The following SLC22A23 variants were observed in gnomAD, a reference collection of about 807,000 sequenced individuals.
SLC22A23 encodes ion transporter protein.
A neutral mutation model predicts 61.0 loss-of-function variants in SLC22A23; 26 were observed. That is an observed-to-expected ratio of 0.43 (90% CI 0.31 to 0.59). The LOEUF is 0.59. SLC22A23 is among the 20% of genes least tolerant of loss of function. SLC22A23 has a pLI of 0.11. For missense variants in SLC22A23, 796 were observed against 934.7 expected, an observed-to-expected ratio of 0.85 and a Z score of 1.94; for synonymous variants, 430 against 413.9, an observed-to-expected ratio of 1.04 and a Z score of -0.47.
chr6:3,366,491 G>A (rs938009736), intron 3 of SLC22A23, among the ~76,000 whole-genome samples: 5 of 152,018 alleles, frequency 3.3e-5, no homozygotes, highest in Non-Finnish European at 7.4e-5. Flanking sequence ...CTGTGTTGTG[G>A]GGAGATGGGT....
At chr6:3,298,264 C>A (rs368370815) in intron 4 of SLC22A23, 46 bp from the exon 5 acceptor site, 3 of 1,562,378 alleles carry the variant, frequency 1.9e-6, no homozygotes, top group African/African-American at 2.8e-5. Flanking sequence ...CGATTCTGCA[C>A]GGCACCGGGA....
intron 3 of SLC22A23, among the ~76,000 whole-genome samples, chr6:3,355,876 C>G (rs2127440011): frequency 6.7e-6 from 1 of 150,010 alleles, no homozygotes; most frequent in East Asian, 2.0e-4. Flanking sequence ...GGATATAACG[C>G]TGAGGTATTA....
intron 5 of SLC22A23, among the ~76,000 whole-genome samples, chr6:3,296,191 T>C (rs886435601): frequency 7.9e-5 from 12 of 152,208 alleles, no homozygotes; most frequent in Non-Finnish European, 1.8e-4. Context: ...GGGAAAGCCA[T>C]CTGGACCGTC....
At chr6:3,281,353 G>A (rs947353335) in intron 9 of SLC22A23, among the ~76,000 whole-genome samples, 1 of 152,258 alleles carries the variant, frequency 6.6e-6, no homozygotes, top group African/African-American at 2.4e-5. Context: ...AGAATCTCAT[G>A]AAACAATATT....
intron 3 of SLC22A23, among the ~76,000 whole-genome samples, chr6:3,404,567 C>G (rs1768661242): frequency 6.6e-6 from 1 of 152,148 alleles, no homozygotes; most frequent in Non-Finnish European, 1.5e-5. Context: ...AAAAATCAGT[C>G]TTCAGTGGCA....
intron 1 of SLC22A23, among the ~76,000 whole-genome samples, chr6:3,437,683 C>T (rs192331699): frequency 0.022 from 3,367 of 150,924 alleles, 128 homozygotes; most frequent in African/African-American, 0.076. Context: ...AGCGAGACTC[C>T]GTCTCAAAAA....
Position 3,270,842 on chromosome 6 carries a change from A to C in SLC22A23, c.*2213T>G, listed in dbSNP as rs1758430516. ...CTCTACAGCTTCAATTTCCAAAAAA[A>C]AAAAAAAGTTTACACGACCAGTGAG... On this transcript the variant is annotated 3_prime_UTR_variant, in exon 10 of 10. Transcript: ENST00000406686. 6.6e-6 allele frequency: 1 copy of C among 152,374 alleles called. No homozygotes were observed. Among genetic ancestry groups the C allele is most frequent in the East Asian group, 1.9e-4 (1 of 5,334 alleles). The allele number at this position is 152,374 out of a possible 1,614,324, so 9.4% of individuals were successfully genotyped here.
chr6:3,431,289 G>A (rs535736792), intron 1 of SLC22A23, among the ~76,000 whole-genome samples: 1 of 152,362 alleles, frequency 6.6e-6, no homozygotes, highest in African/African-American at 2.4e-5. Flanking sequence ...CAATGAAAAT[G>A]TTAACTCAAT....
At chr6:3,397,168 G>T (rs1004160586) in intron 3 of SLC22A23, among the ~76,000 whole-genome samples, 1 of 152,222 alleles carries the variant, frequency 6.6e-6, no homozygotes, top group Non-Finnish European at 1.5e-5. Context: ...CTGCAAGGGG[G>T]ACAAGGGAAC....
chr6:3,291,677 TTTTATA>T (rs1760607959), intron 5 of SLC22A23: 1 of 152,204 alleles, frequency 6.6e-6, no homozygotes, highest in African/African-American at 2.4e-5. Flanking sequence ...AAATAACTAA[TTTTATA>T]AAGAGCTTGA....
intron 3 of SLC22A23, among the ~76,000 whole-genome samples, chr6:3,337,813 G>T (rs1315292709): frequency 6.6e-6 from 1 of 152,270 alleles, no homozygotes; most frequent in Admixed American, 6.5e-5. Context: ...AGGAAGTTGT[G>T]AAGGGGCTCA....
In SLC22A23 at chr6:3,390,957, A is replaced by G. The variant is rs1767623369; in HGVS notation, c.913+19231T>C. The stretch of plus-strand genomic sequence containing the variant: ...TCCGTGAATTTGGTCAACTGCCTGA[A>G]TGGAATGAAGAGAATCATACCCTGA... On this transcript the variant is annotated intron_variant, in intron 3 of 9. Transcript: ENST00000406686. The surrounding 1 kb of genome is among the most constrained non-coding windows in gnomAD (Gnocchi z 4.0). Among the ~76,000 whole-genome samples the G allele has an allele frequency of 6.6e-6, 1 of 151,996 alleles. No individual in the cohort carries two copies. Among genetic ancestry groups the G allele is most frequent in the African/African-American group, 2.4e-5 (1 of 41,238 alleles).
chr6:3,345,405 C>T (rs111691089), intron 3 of SLC22A23, among the ~76,000 whole-genome samples: 3 of 144,976 alleles, frequency 2.1e-5, no homozygotes, highest in Admixed American at 7.0e-5. Flanking sequence ...TGCTCTGTCA[C>T]CCAGGCTGGA....
In SLC22A23 at chr6:3,308,982, C is replaced by T. The variant is rs1055735286; in HGVS notation, c.1083-10764G>A. On this transcript the variant is annotated intron_variant, in intron 4 of 9. Coordinates refer to ENST00000406686, the MANE Select transcript of SLC22A23 (RefSeq NM_015482.2). The surrounding 1 kb of genome is among the most constrained non-coding windows in gnomAD (Gnocchi z 5.1). ...CAAACCAACCAAAAAACCCCAACAA[C>T]CCACAGTGTGGATCGGCAGGTCCCT... is the stretch of plus-strand genomic sequence containing the variant. Among the ~76,000 whole-genome samples the T allele has an allele frequency of 4.0e-5, 6 of 151,768 alleles. No individual in the cohort carries two copies. Among genetic ancestry groups the T allele is most frequent in the Admixed American group, 3.9e-4 (6 of 15,226 alleles).
rs1251063602 is a variant in SLC22A23, at chr6:3,317,829, G to A, written c.1082+6005C>T. On this transcript the variant is annotated intron_variant, in intron 4 of 9. Transcript: ENST00000406686. The surrounding 1 kb of genome is among the most constrained non-coding windows in gnomAD (Gnocchi z 4.4). Reference sequence around the variant, plus strand: ...TGCAAACCACACGAGAGGACCAGGCGAGCGCACCCTCCCATTCTCTGGCCA... The same window carrying A: ...TGCAAACCACACGAGAGGACCAGGCAAGCGCACCCTCCCATTCTCTGGCCA... 1.3e-5 allele frequency among the ~76,000 whole-genome samples: 2 copies of A among 152,050 alleles called. No individual in the cohort carries two copies. Among genetic ancestry groups the A allele is most frequent in the East Asian group, 1.9e-4 (1 of 5,186 alleles).
chr6:3,275,883 A>G (rs1291858001), intron 9 of SLC22A23, among the ~76,000 whole-genome samples: 1 of 152,258 alleles, frequency 6.6e-6, no homozygotes, highest in African/African-American at 2.4e-5. Context: ...CGCCACTCTT[A>G]TAACTCAAAA....
At chr6:3,406,041 G>T (rs1768801996) in intron 3 of SLC22A23, among the ~76,000 whole-genome samples, 1 of 151,992 alleles carries the variant, frequency 6.6e-6, no homozygotes, top group African/African-American at 2.4e-5. Flanking sequence ...GTTCATTGTT[G>T]GGGGGAAAAA....
rs532985196 is a variant in SLC22A23 at position 3,372,171 on chromosome 6, A to T, written c.913+38017T>A. ...TCTGAGCTCTGCCTCGAGGGCACAG[A>T]CTCCTGTGATGAGGCTGGACCACTT... On this transcript the variant is annotated intron_variant, in intron 3 of 9. Coordinates refer to ENST00000406686, the MANE Select transcript of SLC22A23 (RefSeq NM_015482.2). The surrounding 1 kb of genome is among the most constrained non-coding windows in gnomAD (Gnocchi z 4.7). 4.6e-5 allele frequency among the ~76,000 whole-genome samples: 7 copies of T among 152,196 alleles called. No individual in the cohort carries two copies. In the South Asian group the frequency reaches 1.5e-3, roughly 32 times the overall value.
At chr6:3,315,059 C>T (rs571284062) in intron 4 of SLC22A23, among the ~76,000 whole-genome samples, 3 of 152,222 alleles carry the variant, frequency 2.0e-5, no homozygotes, top group African/African-American at 2.4e-5. Flanking sequence ...CAGCCTTTTG[C>T]GTTTCTATCT....
Sources: gnomAD v4.1 joint callset for allele counts (sites outside exome capture counted in the v4.1 genomes callset) on GRCh38, gnomAD v4.1.1 for gene constraint, Gnocchi (gnomAD v3.1) non-coding constraint, MANE v1.5 for transcripts, NCBI Gene and HGNC (gene_info 2026-07-23, HGNC 2026-07-21) for gene names.